Variants in NCOA2 observed in about 807,000 individuals in gnomAD.
NCOA2 encodes the protein nuclear receptor coactivator 2.
NCOA2 carries 21 observed loss-of-function variants against 145.1 expected under a neutral mutation model. The observed-to-expected ratio is 0.14, with a 90% confidence interval of 0.10 to 0.21. The LOEUF is 0.21. Among genes scored for constraint, NCOA2 ranks in the 10% least tolerant of loss-of-function variants. The probability of loss-of-function intolerance (pLI) is 1.00; values close to 1 mark genes in which losing one functional copy is unlikely to be tolerated. For missense variants in NCOA2, 1,472 were observed against 1,837.6 expected (o/e 0.80, Z 3.64); for synonymous variants, 619 against 637.5 (o/e 0.97, Z 0.44).
At position 70,141,137 on chromosome 8, in the gene NCOA2, T is replaced by TAGAA. The variant is rs748108088; in HGVS notation, c.3028+46_3028+47insTTCT. 9 of 1,533,820 alleles carry TAGAA rather than the reference T, an allele frequency of 5.9e-6. No homozygotes were observed. The African/African-American group carries it at 1.1e-4, about 19-fold the overall frequency. On this transcript the variant is annotated intron_variant, in intron 14 of 22. Transcript: ENST00000452400. The stretch of plus-strand genomic sequence containing the variant: ...AAAGAACTTATGACGCTCTCTTTTC[T>TAGAA]AAGAGAGCATAAAAGTTAAAAGCAA...
intron 1 of NCOA2, among the ~76,000 whole-genome samples, chr8:70,353,677 T>C (rs186788876): frequency 1.3e-5 from 2 of 152,076 alleles, no homozygotes; most frequent in East Asian, 1.9e-4. Context: ...ATGTGACACA[T>C]TGTCCATACC....
intron 12 of NCOA2, among the ~76,000 whole-genome samples, chr8:70,145,363 T>C (rs1162280976): frequency 3.4e-5 from 5 of 148,270 alleles, no homozygotes; most frequent in Non-Finnish European, 7.4e-5. Context: ...TCTCGCTCTG[T>C]TGCGAGGCTG....
intron 1 of NCOA2, among the ~76,000 whole-genome samples, chr8:70,395,439 T>C (rs1813565898): frequency 6.6e-6 from 1 of 152,238 alleles, no homozygotes; most frequent in Non-Finnish European, 1.5e-5. Context: ...AACCTGCTTC[T>C]GTAATTTCCA....
intron 4 of NCOA2, among the ~76,000 whole-genome samples, chr8:70,204,962 C>T (rs1157272573): frequency 2.0e-5 from 3 of 152,214 alleles, no homozygotes; most frequent in South Asian, 2.1e-4. Flanking sequence ...GAGCGGAGAT[C>T]GTACCATTGC....
chr8:70,409,700 T>C, the NCOA2 span, among the ~76,000 whole-genome samples: 1 of 151,956 alleles, frequency 6.6e-6, no homozygotes, highest in African/African-American at 2.4e-5. Flanking sequence ...TGAAACTCCA[T>C]CTCTAAAATA....
chr8:70,181,913 T>C (rs754077905), intron 4 of NCOA2, among the ~76,000 whole-genome samples: 3 of 152,218 alleles, frequency 2.0e-5, no homozygotes, highest in Non-Finnish European at 4.4e-5. Context: ...GGGCAGTTTC[T>C]GACCAAGCAC....
chr8:70,435,898 A>G, the NCOA2 span, among the ~76,000 whole-genome samples: 1,256 of 152,254 alleles, frequency 8.2e-3, 21 homozygotes, highest in African/African-American at 0.029. Flanking sequence ...TCCTAGGCTT[A>G]AGCAATCCTC....
rs1554628723 is a variant in NCOA2, at chr8:70,335,155, A to AT, written c.-76-38356dup. Among the ~76,000 whole-genome samples the AT allele has an allele frequency of 3.3e-3, 386 of 115,324 alleles. 16 individuals carry two copies. Among genetic ancestry groups the AT allele is most frequent in the East Asian group, 0.01 (37 of 3,664 alleles). The allele number at this position is 115,324 out of a possible 152,430, so 75.7% of individuals were successfully genotyped here. A position where few individuals can be genotyped will look rare whatever the true frequency, so the allele number is the denominator to read the frequency against. On this transcript the variant is annotated intron_variant, in intron 1 of 22. Transcript: ENST00000452400. ...AAAAAAAAAAAAAAAAAAAAAAAAGATCTCTCCCTATGACCATTTTCTCAG... is the reference window on the plus strand; with the variant it reads ...AAAAAAAAAAAAAAAAAAAAAAAAGATTCTCTCCCTATGACCATTTTCTCAG...
At chr8:70,369,579 G>C (rs1012799250) in intron 1 of NCOA2, among the ~76,000 whole-genome samples, 1 of 152,144 alleles carries the variant, frequency 6.6e-6, no homozygotes, top group Non-Finnish European at 1.5e-5. Flanking sequence ...TTTAAAGATA[G>C]AGCAGAAGGC....
intron 19 of NCOA2, among the ~76,000 whole-genome samples, chr8:70,126,157 CTTACT>C (rs146418539): frequency 0.077 from 11,758 of 152,042 alleles, 536 homozygotes; most frequent in East Asian, 0.12. Flanking sequence ...AATGTAAGCA[CTTACT>C]TTATCAATAA....
intron 2 of NCOA2, among the ~76,000 whole-genome samples, chr8:70,257,157 ACT>A (rs1275137026): frequency 6.6e-6 from 1 of 152,066 alleles, no homozygotes; most frequent in African/African-American, 2.4e-5. Flanking sequence ...AGAAATTTAA[ACT>A]CACACCAGTT....
intron 7 of NCOA2, 66 bp downstream of exon 7, chr8:70,166,500 G>A: frequency 6.5e-7 from 1 of 1,539,328 alleles, no homozygotes; most frequent in African/African-American, 1.4e-5. Flanking sequence ...ACTAATTAAA[G>A]TGTGAAGGAA....
the NCOA2 span, among the ~76,000 whole-genome samples, chr8:70,410,209 C>T: frequency 6.8e-6 from 1 of 147,050 alleles, no homozygotes; most frequent in Non-Finnish European, 1.5e-5. Context: ...GATTCTTGTC[C>T]AAAAAAAAAC....
intron 1 of NCOA2, among the ~76,000 whole-genome samples, chr8:70,383,253 TC>T (rs1360915764): frequency 6.6e-6 from 1 of 152,108 alleles, no homozygotes; most frequent in African/African-American, 2.4e-5. Flanking sequence ...AGCAACCAGA[TC>T]TAAGAGGAAA....
At chr8:70,250,486 T>C (rs116574078) in intron 2 of NCOA2, among the ~76,000 whole-genome samples, 3,063 of 150,558 alleles carry the variant, frequency 0.02, 123 homozygotes, top group African/African-American at 0.071. Flanking sequence ...AAGAGGATCA[T>C]TTGAGCCCAG....
rs1482291345 is a variant in NCOA2 at position 70,113,580 on chromosome 8, G to A, written c.*52C>T. ...AGACACAGCTCTCCAGACTGGAAGTGTTTTGAGCAAGTGAGCCCGGTCAGC... is the reference window on the plus strand; with the variant it reads ...AGACACAGCTCTCCAGACTGGAAGTATTTTGAGCAAGTGAGCCCGGTCAGC... On this transcript the variant is annotated 3_prime_UTR_variant, in exon 23 of 23. Coordinates refer to ENST00000452400, the MANE Select transcript of NCOA2 (RefSeq NM_006540.4). The A allele has an allele frequency of 3.9e-6, 6 of 1,546,290 alleles. No individual in the cohort carries two copies. Among genetic ancestry groups the A allele is most frequent in the Non-Finnish European group, 5.3e-6 (6 of 1,142,176 alleles).
chr8:70,375,100 T>A (rs573097923), intron 1 of NCOA2, among the ~76,000 whole-genome samples: 3 of 151,928 alleles, frequency 2.0e-5, no homozygotes, highest in East Asian at 1.9e-4. Flanking sequence ...CGGGGGAGAG[T>A]GATTATTCCA....
intron 2 of NCOA2, among the ~76,000 whole-genome samples, chr8:70,256,692 C>T (rs1823657534): frequency 6.6e-6 from 1 of 151,946 alleles, no homozygotes; most frequent in Non-Finnish European, 1.5e-5. Context: ...TTCAGAGTAC[C>T]ATGGAGCTGG....
At chr8:70,347,903 T>C (rs1449852625) in intron 1 of NCOA2, among the ~76,000 whole-genome samples, 3 of 152,330 alleles carry the variant, frequency 2.0e-5, no homozygotes, top group South Asian at 2.1e-4. Context: ...TTAATTTGCA[T>C]TGGAGTAAAC....
Sources: gnomAD v4.1 joint callset for allele counts (sites outside exome capture counted in the v4.1 genomes callset) on GRCh38, gnomAD v4.1.1 for gene constraint, MANE v1.5 for transcripts, NCBI Gene and HGNC (gene_info 2026-07-23, HGNC 2026-07-21) for gene names.